FRAS1: variants seen among roughly 807,000 people sequenced by gnomAD.
The protein encoded by FRAS1 is Fraser extracellular matrix complex subunit 1, also known as extracellular matrix organizing protein FRAS1.
FRAS1 carries 290 observed loss-of-function variants against 435.2 expected under a neutral mutation model. The observed-to-expected ratio is 0.67, with a 90% CI of 0.61 to 0.73. The LOEUF (loss-of-function observed/expected upper bound fraction) is 0.73, where lower values mean the gene tolerates loss of function less well. Among genes scored for constraint, FRAS1 ranks in the 30% least tolerant of loss-of-function variants. FRAS1 has a pLI of 0.00. For missense variants in FRAS1, 4,860 were observed against 5,001.5 expected, an observed-to-expected ratio of 0.97 and a Z score of 0.85; for synonymous variants, 1,800 against 1,851.0, an observed-to-expected ratio of 0.97 and a Z score of 0.71.
intron 12 of FRAS1, 46 bp from the exon 13 acceptor site, chr4:78,284,359 T>C (rs1218242694): frequency 6.4e-7 from 1 of 1,555,538 alleles, no homozygotes; most frequent in Non-Finnish European, 8.8e-7. Flanking sequence ...AGAGAAATAA[T>C]AGATGGAGTT....
chr4:78,472,388 T>G, intron 52 of FRAS1, 58 bp downstream of exon 52: 2 of 1,445,138 alleles, frequency 1.4e-6, no homozygotes, highest in Non-Finnish European at 1.9e-6. Flanking sequence ...TCACACTGCC[T>G]ATCTCCCAGA....
chr4:78,244,003 A>G (rs1262120561), intron 3 of FRAS1, among the ~76,000 whole-genome samples: 4 of 152,152 alleles, frequency 2.6e-5, no homozygotes, highest in African/African-American at 9.6e-5. Context: ...ACTTTTCTGA[A>G]AAGTGATTAA....
intron 9 of FRAS1, among the ~76,000 whole-genome samples, chr4:78,270,570 C>G (rs1314013107): frequency 6.8e-6 from 1 of 147,384 alleles, no homozygotes. Context: ...CACCACCACC[C>G]CAGCCACTTT....
At chr4:78,361,522 A>T (rs1222124823) in intron 20 of FRAS1, among the ~76,000 whole-genome samples, 1 of 152,180 alleles carries the variant, frequency 6.6e-6, no homozygotes, top group Non-Finnish European at 1.5e-5. Context: ...CTTGTGGCTT[A>T]ACTTCTGGGG....
chr4:78,073,703 C>G (rs745350562), intron 2 of FRAS1, among the ~76,000 whole-genome samples: 66 of 152,052 alleles, frequency 4.3e-4, no homozygotes, highest in Non-Finnish European at 6.6e-4. Context: ...TTTAGAAGTT[C>G]TCTGCTTACC....
rs186442926 is a variant in FRAS1, at chr4:78,251,777, G to A, written c.310-615G>A. ...ACCTATAGTTTCCAAGGCAGGAAGGGCTGAGCTGGGATCTGTGAATGTGCA... is the reference window on the plus strand; with the variant it reads ...ACCTATAGTTTCCAAGGCAGGAAGGACTGAGCTGGGATCTGTGAATGTGCA... On this transcript the variant is annotated intron_variant, in intron 4 of 73. Transcript: ENST00000512123. 2.0e-5 allele frequency among the ~76,000 whole-genome samples: 3 copies of A among 152,322 alleles called. No homozygotes were observed. The East Asian group carries it at 5.8e-4, about 29-fold the overall frequency.
chr4:78,329,782 A>G (rs62309890), intron 18 of FRAS1, among the ~76,000 whole-genome samples: 3 of 152,250 alleles, frequency 2.0e-5, no homozygotes, highest in Admixed American at 6.5e-5. Flanking sequence ...ACTAAATTAA[A>G]GAAACAAATT....
intron 2 of FRAS1, among the ~76,000 whole-genome samples, chr4:78,220,313 A>G (rs924149246): frequency 1.3e-5 from 2 of 152,238 alleles, no homozygotes; most frequent in African/African-American, 2.4e-5. Context: ...GGCTTAAAAA[A>G]TCATAAAAGT....
At chr4:78,455,422 G>GGGT (rs1553962058) in intron 47 of FRAS1, among the ~76,000 whole-genome samples, 9 of 151,696 alleles carry the variant, frequency 5.9e-5, no homozygotes, top group African/African-American at 2.2e-4. Context: ...AGTTGAGGAG[G>GGGT]GAGGGGGTTC....
chr4:78,394,317 GTTTTCT>G (rs1732567705), intron 29 of FRAS1, among the ~76,000 whole-genome samples: 1 of 151,876 alleles, frequency 6.6e-6, no homozygotes, highest in East Asian at 1.9e-4. Context: ...TTTCCCCTAT[GTTTTCT>G]TCTAGGTCTT....
intron 70 of FRAS1, among the ~76,000 whole-genome samples, chr4:78,532,752 G>C (rs566324970): frequency 6.6e-6 from 1 of 152,030 alleles, no homozygotes. Context: ...TCTGTGTCTG[G>C]CTAATTTCAC....
intron 1 of FRAS1, 40 bp downstream of exon 1, chr4:78,058,125 T>C (rs778297886): frequency 6.0e-6 from 9 of 1,501,788 alleles, no homozygotes; most frequent in Non-Finnish European, 8.3e-6. Context: ...TGTGTGCGTG[T>C]GCGTGTGTGT....
At chr4:78,119,242 C>A (rs1718870321) in intron 2 of FRAS1, among the ~76,000 whole-genome samples, 1 of 152,176 alleles carries the variant, frequency 6.6e-6, no homozygotes, top group Admixed American at 6.5e-5. Context: ...TTATTGCTAA[C>A]TGTAGTCATC....
chr4:78,471,622 A>G (rs1719712275), intron 51 of FRAS1, among the ~76,000 whole-genome samples: 3 of 152,138 alleles, frequency 2.0e-5, no homozygotes, highest in Admixed American at 2.0e-4. Context: ...GCTCTTGACC[A>G]CCCTCTTTCT....
chr4:78,078,049 T>C (rs1740735755), intron 2 of FRAS1, among the ~76,000 whole-genome samples: 1 of 152,136 alleles, frequency 6.6e-6, no homozygotes, highest in Non-Finnish European at 1.5e-5. Context: ...TTAACAAAAA[T>C]GGGCACTGCA....
At position 78,508,716 on chromosome 4, in the gene FRAS1, G is replaced by A. The variant is rs755189941; in HGVS notation, c.9505-15G>A. 6.2e-6 allele frequency: 10 copies of A among 1,613,382 alleles called. No homozygotes were observed. The highest frequency in any genetic ancestry group is 1.1e-5 in the South Asian group (1 of 90,912). On this transcript the variant is annotated splice_polypyrimidine_tract_variant and intron_variant, in intron 62 of 73. Coordinates refer to ENST00000512123, the MANE Select transcript of FRAS1 (RefSeq NM_025074.7). ...AATACCCAACCTGAACTGAAGCTTTGTTGCTCTTTCGCAGGTGGTCACACT... is the reference window on the plus strand; with the variant it reads ...AATACCCAACCTGAACTGAAGCTTTATTGCTCTTTCGCAGGTGGTCACACT...
chr4:78,193,389 T>C (rs143936267), intron 2 of FRAS1, among the ~76,000 whole-genome samples: 2 of 152,142 alleles, frequency 1.3e-5, no homozygotes. Flanking sequence ...TTTCCCATTA[T>C]TATTGTGTGG....
chr4:78,335,464 A>C (rs1423774340), intron 19 of FRAS1, among the ~76,000 whole-genome samples: 1 of 152,158 alleles, frequency 6.6e-6, no homozygotes, highest in Non-Finnish European at 1.5e-5. Context: ...CTATCACCTA[A>C]CCTAAGAAGT....
chr4:78,222,076 C>T (rs1423011882), intron 2 of FRAS1, among the ~76,000 whole-genome samples: 2 of 151,934 alleles, frequency 1.3e-5, no homozygotes, highest in Non-Finnish European at 2.9e-5. Context: ...GAGCTCTGCC[C>T]CCCTGGAGCT....
Sources: gnomAD v4.1 joint callset for allele counts (sites outside exome capture counted in the v4.1 genomes callset) on GRCh38, gnomAD v4.1.1 for gene constraint, MANE v1.5 for transcripts, NCBI Gene and HGNC (gene_info 2026-07-23, HGNC 2026-07-21) for gene names.